The following CIROZ variants were observed in gnomAD, a reference collection of about 807,000 sequenced individuals.
CIROZ encodes the protein ciliated left-right organizer protein containing ZP-N domains, also known as ciliated left-right organizer ZP-N domains-containing protein.
the CIROZ span, chr1:10,966,342 AG>A: frequency 5.3e-6 from 8 of 1,498,184 alleles, no homozygotes; most frequent in South Asian, 9.1e-5. Flanking sequence ...AAAAAAGAAA[AG>A]TTTCCCAAAC....
the CIROZ span, among the ~76,000 whole-genome samples, chr1:10,981,356 G>C: frequency 6.6e-6 from 1 of 152,010 alleles, no homozygotes; most frequent in African/African-American, 2.4e-5. Flanking sequence ...AGGCTAAAGT[G>C]GGATGATCAC....
At chr1:10,975,341 G>A in the CIROZ span, among the ~76,000 whole-genome samples, 3 of 149,912 alleles carry the variant, frequency 2.0e-5, no homozygotes, top group African/African-American at 7.3e-5. Flanking sequence ...GGGAGCAGAG[G>A]TTGTGGTGAG....
chr1:10,970,066 T>G, the CIROZ span: 2 of 1,532,730 alleles, frequency 1.3e-6, no homozygotes, highest in Non-Finnish European at 1.7e-6. Flanking sequence ...CACTCAACTG[T>G]GTCTGTCCAA....
chr1:10,948,397 C>T, the CIROZ span: 2 of 1,613,128 alleles, frequency 1.2e-6, no homozygotes, highest in Non-Finnish European at 1.7e-6. Flanking sequence ...TGGCCGGGCT[C>T]CCCCATGATG....
At chr1:10,956,979 A>G in the CIROZ span, 4 of 1,494,976 alleles carry the variant, frequency 2.7e-6, no homozygotes, top group Non-Finnish European at 3.6e-6. Flanking sequence ...CCAGAATGTG[A>G]TGAAGTTGGA....
At chr1:10,974,118 C>A in the CIROZ span, among the ~76,000 whole-genome samples, 11 of 152,074 alleles carry the variant, frequency 7.2e-5, no homozygotes, top group Admixed American at 7.2e-4. This position sits in a 1 kb window ranked among gnomAD's most constrained non-coding sequence, Gnocchi z 4.4. Context: ...TGGGGCAGGT[C>A]CCCAGTAAGG....
the CIROZ span, among the ~76,000 whole-genome samples, chr1:10,980,168 G>T: frequency 6.6e-6 from 1 of 152,262 alleles, no homozygotes; most frequent in African/African-American, 2.4e-5. Flanking sequence ...TGGGCAGAGG[G>T]CCAGGGCCTC....
the CIROZ span, chr1:10,957,227 G>T: frequency 1.3e-6 from 1 of 749,162 alleles, no homozygotes; most frequent in Non-Finnish European, 2.1e-6. Flanking sequence ...AGCCCCAAGT[G>T]TTACAAAGCC....
At chr1:10,968,030 G>A in the CIROZ span, among the ~76,000 whole-genome samples, 1 of 151,872 alleles carries the variant, frequency 6.6e-6, no homozygotes, top group Admixed American at 6.6e-5. Flanking sequence ...CGGTGGGGGG[G>A]CACCTGTAGT....
chr1:10,947,525 G>T, the CIROZ span: 4 of 699,856 alleles, frequency 5.7e-6, no homozygotes, highest in Middle Eastern at 8.5e-4. Flanking sequence ...GATCATCTGG[G>T]CCAGAAGAGC....
chr1:10,947,851 T>A, the CIROZ span: 1 of 1,606,282 alleles, frequency 6.2e-7, no homozygotes, highest in Non-Finnish European at 8.5e-7. Context: ...GCCCACAGGC[T>A]CAGGGTTTGC....
the CIROZ span, among the ~76,000 whole-genome samples, chr1:10,961,267 G>A: frequency 1.3e-5 from 2 of 152,194 alleles, no homozygotes; most frequent in Non-Finnish European, 2.9e-5. Context: ...TGCCCTGGCA[G>A]CCCTGCTTGG....
chr1:10,947,917 A>C, the CIROZ span: 2 of 1,613,814 alleles, frequency 1.2e-6, no homozygotes, highest in Non-Finnish European at 1.7e-6. Context: ...CCCACAGGCC[A>C]GCCAGGGGCT....
At chr1:10,976,847 T>A in the CIROZ span, among the ~76,000 whole-genome samples, 4 of 152,140 alleles carry the variant, frequency 2.6e-5, no homozygotes, top group East Asian at 5.8e-4. Flanking sequence ...GAAAAGATCA[T>A]CCTCAAAAAA....
At chr1:10,981,873 G>A in the CIROZ span, 3 of 1,048,418 alleles carry the variant, frequency 2.9e-6, no homozygotes, top group Non-Finnish European at 4.1e-6. Flanking sequence ...ATGCATCTGG[G>A]CCCCTCACCC....
the CIROZ span, among the ~76,000 whole-genome samples, chr1:10,958,236 G>A: frequency 3.3e-5 from 5 of 152,170 alleles, no homozygotes; most frequent in Non-Finnish European, 5.9e-5. Context: ...GACTTGGGGA[G>A]GTCAAGCTCA....
chr1:10,950,939 GC>G, the CIROZ span, among the ~76,000 whole-genome samples: 3 of 152,314 alleles, frequency 2.0e-5, no homozygotes, highest in African/African-American at 7.2e-5. Context: ...CTCCAGCTAA[GC>G]GAGGCTGCTC....
At chr1:10,975,459 C>T in the CIROZ span, among the ~76,000 whole-genome samples, 1 of 148,550 alleles carries the variant, frequency 6.7e-6, no homozygotes, top group Admixed American at 6.8e-5. Flanking sequence ...TGTGGTGGTG[C>T]ACACCTGTAG....
chr1:10,952,415 C>T, the CIROZ span, among the ~76,000 whole-genome samples: 1 of 152,146 alleles, frequency 6.6e-6, no homozygotes. Context: ...CTGTATCTTC[C>T]TATCAAGGAC....
Sources: gnomAD v4.1 joint callset for allele counts (sites outside exome capture counted in the v4.1 genomes callset) on GRCh38, gnomAD v4.1.1 for gene constraint, Gnocchi (gnomAD v3.1) non-coding constraint, MANE v1.5 for transcripts, NCBI Gene and HGNC (gene_info 2026-07-23, HGNC 2026-07-21) for gene names.